The following RYR2 variants were observed in gnomAD, a reference collection of about 807,000 sequenced individuals.
RYR2 encodes the protein cardiac muscle ryanodine receptor-calcium release channel.
Under a neutral mutation model 601.1 loss-of-function variants are expected in RYR2, and 227 were observed. The ratio of observed to expected loss-of-function variants is 0.38; its 90% CI spans 0.34 to 0.42. RYR2 has a LOEUF of 0.42. Among genes scored for constraint, RYR2 ranks in the 10% least tolerant of loss-of-function variants. The probability of loss-of-function intolerance (pLI) is 1.00; values close to 1 mark genes in which losing one functional copy is unlikely to be tolerated. For missense variants in RYR2, 4,646 were observed against 6,156.5 expected, an observed-to-expected ratio of 0.75 and a Z score of 8.21; for synonymous variants, 2,223 against 2,175.1, an observed-to-expected ratio of 1.02 and a Z score of -0.61.
At position 237,480,332 on chromosome 1, in the gene RYR2, T is replaced by G. The variant is rs193266284; in HGVS notation, c.1708+11145T>G. Among the ~76,000 whole-genome samples the G allele has an allele frequency of 6.2e-3, 855 of 137,472 alleles. 1 individual carries two copies. Among genetic ancestry groups the G allele is most frequent in the Middle Eastern group, 0.017 (4 of 230 alleles). 90.2% of individuals were successfully genotyped at this position (137,472 alleles called of 152,430 possible). A position where few individuals can be genotyped will look rare whatever the true frequency, so the allele number is the denominator to read the frequency against. On this transcript the variant is annotated intron_variant, in intron 17 of 104. Coordinates refer to ENST00000366574, the MANE Select transcript of RYR2 (RefSeq NM_001035.3). ...TACTTGGGAGGCTGAGGCAGGAGGATCGCTTAAGCCTGGGAGGCAGAGGCT... is the reference window on the plus strand; with the variant it reads ...TACTTGGGAGGCTGAGGCAGGAGGAGCGCTTAAGCCTGGGAGGCAGAGGCT...
At chr1:237,114,166 G>A (rs1033651161) in intron 1 of RYR2, among the ~76,000 whole-genome samples, 3 of 152,066 alleles carry the variant, frequency 2.0e-5, no homozygotes, top group South Asian at 2.1e-4. Flanking sequence ...TCATTTTCAC[G>A]GGGATTAGAG....
At position 237,590,795 on chromosome 1, in the gene RYR2, G is replaced by C. The variant is rs748924639; in HGVS notation, c.3963G>C (p.Gly1321=). 6.2e-7 allele frequency: 1 copy of C among 1,613,850 alleles called. No individual in the cohort carries two copies. Among genetic ancestry groups the C allele is most frequent in the South Asian group, 1.1e-5 (1 of 91,074 alleles). ...TCTTCTCCAAGACGGTGGCTGGAGG[G>C]CTCCCTGGGGCTGGCCTTTTTGGGC... ...AEVFSKTVAG[G]LPGAGLFGPK... The change falls in exon 31 of 105, where the codon GGG becomes GGC. Residue 1321 remains glycine, a synonymous_variant. Coordinates refer to ENST00000366574, the MANE Select transcript of RYR2 (RefSeq NM_001035.3).
At chr1:237,613,362 C>T (rs143326382) in intron 36 of RYR2, among the ~76,000 whole-genome samples, 6 of 152,264 alleles carry the variant, frequency 3.9e-5, no homozygotes, top group East Asian at 1.9e-4. Flanking sequence ...ATCATCAGTG[C>T]GCAGTGCTAA....
intron 2 of RYR2, among the ~76,000 whole-genome samples, chr1:237,307,947 C>T (rs190861507): frequency 2.0e-5 from 3 of 150,898 alleles, no homozygotes; most frequent in Admixed American, 6.6e-5. Context: ...AAAATGAGGC[C>T]GGGACTTGCT....
chr1:237,137,830 A>G (rs1672954598), intron 1 of RYR2, among the ~76,000 whole-genome samples: 1 of 152,368 alleles, frequency 6.6e-6, no homozygotes, highest in East Asian at 1.9e-4. Flanking sequence ...TGTAAAATCC[A>G]CACAACATCT....
chr1:237,774,251 G>T (rs1470463316), intron 87 of RYR2, among the ~76,000 whole-genome samples: 1 of 152,060 alleles, frequency 6.6e-6, no homozygotes, highest in Non-Finnish European at 1.5e-5. Context: ...CAGTGGACAT[G>T]TTACCCTGAA....
chr1:237,419,651 G>C (rs1705360562), intron 11 of RYR2, among the ~76,000 whole-genome samples: 1 of 152,126 alleles, frequency 6.6e-6, no homozygotes, highest in African/African-American at 2.4e-5. Context: ...AGCTTAAAGA[G>C]AGATGTTTTG....
intron 79 of RYR2, among the ~76,000 whole-genome samples, chr1:237,735,306 T>C (rs568310197): frequency 1.3e-5 from 2 of 152,204 alleles, no homozygotes; most frequent in Non-Finnish European, 2.9e-5. Context: ...ATTGCAAAGA[T>C]TGAGAGGGAA....
At chr1:237,227,110 T>C (rs1214085192) in intron 1 of RYR2, among the ~76,000 whole-genome samples, 2 of 151,898 alleles carry the variant, frequency 1.3e-5, no homozygotes, top group Non-Finnish European at 2.9e-5. Context: ...TGCATAGAGA[T>C]CGAAAAATGT....
rs1308688883 is a variant in RYR2, at chr1:237,180,979, A to G, written c.49-89518A>G. 6.6e-6 allele frequency among the ~76,000 whole-genome samples: 1 copy of G among 151,588 alleles called. No individual in the cohort carries two copies. The highest frequency in any genetic ancestry group is 1.5e-5 in the Non-Finnish European group (1 of 67,910). On this transcript the variant is annotated intron_variant, in intron 1 of 104. Transcript: ENST00000366574. This position sits in a 1 kb window ranked among gnomAD's most constrained non-coding sequence, Gnocchi z 5.3. ...TTTATCCAATATGCTAAGCACTTTT[A>G]TTATTTATTTGTTTATTTTTTTAAG...
chr1:237,593,663 A>G (rs748659829), intron 33 of RYR2, 27 bp downstream of exon 33: 22 of 1,612,158 alleles, frequency 1.4e-5, no homozygotes, highest in Non-Finnish European at 1.9e-5. Context: ...TTTTTGCAAG[A>G]ATGACATGTG....
intron 1 of RYR2, among the ~76,000 whole-genome samples, chr1:237,265,561 A>T (rs149589332): frequency 0.016 from 2,403 of 152,208 alleles, 34 homozygotes; most frequent in Non-Finnish European, 0.025. Flanking sequence ...ACCTCAAGTG[A>T]TCCACCCGCC....
intron 49 of RYR2, 111 bp from the exon 50 acceptor site, chr1:237,649,766 C>T: frequency 1.2e-6 from 1 of 846,152 alleles, no homozygotes; most frequent in Non-Finnish European, 1.9e-6. Context: ...TTCCATGTGT[C>T]ATAGTGCTAT....
chr1:237,831,007 C>G (rs1473035655), intron 103 of RYR2, among the ~76,000 whole-genome samples: 2 of 152,106 alleles, frequency 1.3e-5, no homozygotes, highest in South Asian at 2.1e-4. Flanking sequence ...TCTCGTCAGG[C>G]ACTGTTGGAT....
In RYR2 at chr1:237,789,821, T is replaced by A. The variant is rs532671736; in HGVS notation, c.13477-1608T>A. ...ACATGACCAGTCATGGCCACATCCG[T>A]CTAACAAAGGCCCCTTTTCCCCTAA... On this transcript the variant is annotated intron_variant, in intron 92 of 104. Transcript: ENST00000366574. 2.6e-5 allele frequency among the ~76,000 whole-genome samples: 4 copies of A among 152,336 alleles called. No homozygotes were observed. In the South Asian group the frequency reaches 8.3e-4, roughly 32 times the overall value.
intron 1 of RYR2, among the ~76,000 whole-genome samples, chr1:237,157,160 G>A (rs1558335709): frequency 6.6e-6 from 1 of 151,910 alleles, no homozygotes; most frequent in African/African-American, 2.4e-5. Context: ...GTTGGGTGTG[G>A]TGGTGTGTAC....
intron 79 of RYR2, among the ~76,000 whole-genome samples, chr1:237,734,321 T>G (rs1189641084): frequency 6.6e-6 from 1 of 152,248 alleles, no homozygotes; most frequent in East Asian, 1.9e-4. Flanking sequence ...AGTGGGGGGC[T>G]GTCAAACACT....
At position 237,061,860 on chromosome 1, in the gene RYR2, C is replaced by T. The variant is rs1271655205; in HGVS notation, c.48+19291C>T. 2.0e-5 allele frequency among the ~76,000 whole-genome samples: 3 copies of T among 152,084 alleles called. No individual in the cohort carries two copies. In the East Asian group the frequency reaches 5.8e-4, roughly 29 times the overall value. On this transcript the variant is annotated intron_variant, in intron 1 of 104. Coordinates refer to ENST00000366574, the MANE Select transcript of RYR2 (RefSeq NM_001035.3). ...GGCTGTTCTCCCATGTTATCTTCTACAGCCTTTACTATTTTAAGGCTGATA... is the reference window on the plus strand; with the variant it reads ...GGCTGTTCTCCCATGTTATCTTCTATAGCCTTTACTATTTTAAGGCTGATA...
intron 1 of RYR2, among the ~76,000 whole-genome samples, chr1:237,132,431 G>C (rs1416892899): frequency 2.6e-5 from 4 of 152,220 alleles, no homozygotes; most frequent in Non-Finnish European, 4.4e-5. Context: ...CACAGAAACT[G>C]TGAGATAGTA....
Sources: gnomAD v4.1 joint callset for allele counts (sites outside exome capture counted in the v4.1 genomes callset) on GRCh38, gnomAD v4.1.1 for gene constraint, Gnocchi (gnomAD v3.1) non-coding constraint, MANE v1.5 for transcripts, NCBI Gene and HGNC (gene_info 2026-07-23, HGNC 2026-07-21) for gene names.